The following PITPNM2 variants were observed in gnomAD, a reference collection of about 807,000 sequenced individuals.
The protein encoded by PITPNM2 is membrane-associated phosphatidylinositol transfer protein 2.
Under a neutral mutation model 132.2 loss-of-function variants are expected in PITPNM2, and 35 were observed. The ratio of observed to expected loss-of-function variants is 0.26; its 90% CI spans 0.20 to 0.35. The LOEUF (loss-of-function observed/expected upper bound fraction) is 0.35. Ranked by LOEUF, PITPNM2 falls within the 10% of genes least tolerant of loss-of-function variation. The pLI is 1.00. For synonymous variants in PITPNM2, 738 were observed against 799.2 expected (o/e 0.92, Z 1.29); for missense variants, 1,332 against 1,912.0 (o/e 0.70, Z 5.66).
intron 2 of PITPNM2, among the ~76,000 whole-genome samples, chr12:123,038,169 C>A (rs375056260): frequency 2.0e-5 from 3 of 152,212 alleles, no homozygotes; most frequent in African/African-American, 7.2e-5. Flanking sequence ...GGAAAAGCAA[C>A]CGTGTTTCTG....
chr12:123,129,502 G>A (rs544415179), intron 1 of PITPNM2, among the ~76,000 whole-genome samples: 70 of 151,688 alleles, frequency 4.6e-4, no homozygotes, highest in East Asian at 2.5e-3. Flanking sequence ...CCCGGGAGGC[G>A]GAGCTTGCAG....
chr12:122,992,694 G>C lies in PITPNM2; in HGVS notation c.2234-25C>G, dbSNP rs558908039. On this transcript the variant is annotated intron_variant, in intron 15 of 25. Coordinates refer to ENST00000320201, the MANE Select transcript of PITPNM2 (RefSeq NM_020845.3). This position sits in a 1 kb window ranked among gnomAD's most constrained non-coding sequence, Gnocchi z 6.5. Reference sequence around the variant, plus strand: ...ACTGGGGGTGGGGGTGTTGGCTGCAGAGCTGGGGCTGGCCCTGAGGAGCAG... The same window carrying C: ...ACTGGGGGTGGGGGTGTTGGCTGCACAGCTGGGGCTGGCCCTGAGGAGCAG... 4 of 1,533,936 alleles carry C rather than the reference G, an allele frequency of 2.6e-6. No individual in the cohort carries two copies. In the East Asian group the frequency reaches 7.1e-5, roughly 27 times the overall value.
chr12:123,066,976 G>T (rs1215440821), intron 2 of PITPNM2, among the ~76,000 whole-genome samples: 1 of 152,114 alleles, frequency 6.6e-6, no homozygotes, highest in Admixed American at 6.6e-5. Context: ...CTGCCTGCTG[G>T]GTGCAAGGGG....
In PITPNM2 at chr12:123,108,100, G is replaced by T. The variant is rs192566652; in HGVS notation, c.-96+2285C>A. 6.6e-6 allele frequency among the ~76,000 whole-genome samples: 1 copy of T among 152,226 alleles called. No individual in the cohort carries two copies. On this transcript the variant is annotated intron_variant, in intron 2 of 25. Coordinates refer to ENST00000320201, the MANE Select transcript of PITPNM2 (RefSeq NM_020845.3). The surrounding 1 kb of genome is among the most constrained non-coding windows in gnomAD (Gnocchi z 4.4). ...GATGCTGGAACTGCATAAGCAAAGC[G>T]CAGAGAATGTACCAGCATATAAACT...
chr12:123,051,604 G>A (rs1324670990), intron 2 of PITPNM2, among the ~76,000 whole-genome samples: 1 of 152,174 alleles, frequency 6.6e-6, no homozygotes, highest in Non-Finnish European at 1.5e-5. Context: ...CTTAAATATT[G>A]CAGCATCTGA....
At chr12:123,057,584 T>C (rs2136722949) in intron 2 of PITPNM2, among the ~76,000 whole-genome samples, 1 of 152,168 alleles carries the variant, frequency 6.6e-6, no homozygotes, top group South Asian at 2.1e-4. Context: ...ACCTGTGGTT[T>C]CTAAGTGCTC....
rs78220661 is a variant in PITPNM2, at chr12:123,129,671, C to A, written c.-199-19183G>T. On this transcript the variant is annotated intron_variant, in intron 1 of 25. Coordinates refer to ENST00000320201, the MANE Select transcript of PITPNM2 (RefSeq NM_020845.3). ...TTATTTGTATATTTTTCTCTTTTTTCTTTTAGTAGATCTCCTAATATTTAT... is the reference window on the plus strand; with the variant it reads ...TTATTTGTATATTTTTCTCTTTTTTATTTTAGTAGATCTCCTAATATTTAT... 5.7e-3 allele frequency among the ~76,000 whole-genome samples: 863 copies of A among 152,018 alleles called. 20 individuals are homozygous for A. Among genetic ancestry groups the A allele is most frequent in the Admixed American group, 0.045 (686 of 15,278 alleles).
In PITPNM2 at chr12:123,064,201, C is replaced by T. The variant is rs1255409082; in HGVS notation, c.-95-29516G>A. On this transcript the variant is annotated intron_variant, in intron 2 of 25. Transcript: ENST00000320201. The surrounding 1 kb of genome is among the most constrained non-coding windows in gnomAD (Gnocchi z 4.0). Reference sequence around the variant, plus strand: ...TGTTTCGACCCTCCCAGCAACGCTGCCAGCAGGCAGACAGACGCACTCTCC... The same window carrying T: ...TGTTTCGACCCTCCCAGCAACGCTGTCAGCAGGCAGACAGACGCACTCTCC... Among the ~76,000 whole-genome samples, 1 of 152,204 alleles carries T rather than the reference C, an allele frequency of 6.6e-6. No individual in the cohort carries two copies. Among genetic ancestry groups the T allele is most frequent in the African/African-American group, 2.4e-5 (1 of 41,448 alleles).
rs1051103847 is a variant in PITPNM2, at chr12:123,097,942, C to G, written c.-96+12443G>C. Among the ~76,000 whole-genome samples, 9 of 152,322 alleles carry G rather than the reference C, an allele frequency of 5.9e-5. No individual in the cohort carries two copies. The highest frequency in any genetic ancestry group is 2.2e-4 in the African/African-American group (9 of 41,572). On this transcript the variant is annotated intron_variant, in intron 2 of 25. Coordinates refer to ENST00000320201, the MANE Select transcript of PITPNM2 (RefSeq NM_020845.3). This position sits in a 1 kb window ranked among gnomAD's most constrained non-coding sequence, Gnocchi z 4.7. ...CTGGCCTTGGCCCTCTGTAGTGATG[C>G]AGGGGACATGTCGAAAATGATACAT...
rs1187521370 is a variant in PITPNM2 at position 123,022,617 on chromosome 12, C to T, written c.79-8575G>A. Among the ~76,000 whole-genome samples, 1 of 152,200 alleles carries T rather than the reference C, an allele frequency of 6.6e-6. No individual in the cohort carries two copies. The highest frequency in any genetic ancestry group is 1.5e-5 in the Non-Finnish European group (1 of 68,040). On this transcript the variant is annotated intron_variant, in intron 3 of 25. Transcript: ENST00000320201. The surrounding 1 kb of genome is among the most constrained non-coding windows in gnomAD (Gnocchi z 4.9). Reference sequence around the variant, plus strand: ...AGCCCTGAGATGTTGTGGGATCATGCTCCCCACTCCACAAGTAAGAAACTG... The same window carrying T: ...AGCCCTGAGATGTTGTGGGATCATGTTCCCCACTCCACAAGTAAGAAACTG...
intron 1 of PITPNM2, among the ~76,000 whole-genome samples, chr12:123,134,015 G>C (rs1365888500): frequency 6.6e-6 from 1 of 152,024 alleles, no homozygotes; most frequent in Non-Finnish European, 1.5e-5. Flanking sequence ...TAGAGACTGA[G>C]GGATAGGCAA....
rs1036992699 is a variant in PITPNM2, at chr12:123,108,132, G to A, written c.-96+2253C>T. 2.0e-5 allele frequency among the ~76,000 whole-genome samples: 3 copies of A among 152,180 alleles called. No individual in the cohort carries two copies. The highest frequency in any genetic ancestry group is 4.4e-5 in the Non-Finnish European group (3 of 68,046). On this transcript the variant is annotated intron_variant, in intron 2 of 25. Transcript: ENST00000320201. The surrounding 1 kb of genome is among the most constrained non-coding windows in gnomAD (Gnocchi z 4.4). ...ATGTACCAGCATATAAACTAGACGC[G>A]GGCAGGGATGCCTGTCTGTTTTGTT...
chr12:123,096,271 T>C (rs1394765187), intron 2 of PITPNM2, among the ~76,000 whole-genome samples: 1 of 152,196 alleles, frequency 6.6e-6, no homozygotes, highest in Non-Finnish European at 1.5e-5. Context: ...TATTAACACA[T>C]GCCCTGCTTG....
rs1172636148 is a variant in PITPNM2, at chr12:122,987,492, T to A, written c.3263+19A>T. On this transcript the variant is annotated intron_variant, in intron 22 of 25. Coordinates refer to ENST00000320201, the MANE Select transcript of PITPNM2 (RefSeq NM_020845.3). ...GAGCCTCGCCCTGCCTATCCCGCCC[T>A]CCCAGTGCAGGCATATACCTGACCA... 6.2e-7 allele frequency: 1 copy of A among 1,610,868 alleles called. No individual in the cohort carries two copies. The highest frequency in any genetic ancestry group is 2.2e-5 in the East Asian group (1 of 44,782).
intron 1 of PITPNM2, among the ~76,000 whole-genome samples, chr12:123,143,252 C>T (rs2043545031): frequency 6.6e-6 from 1 of 152,030 alleles, no homozygotes. Flanking sequence ...GCCCAGTGAG[C>T]CCTCCCTAGG....
Position 123,000,755 on chromosome 12 carries a change from C to T in PITPNM2, c.1224+23G>A, listed in dbSNP as rs1594134076. On this transcript the variant is annotated intron_variant, in intron 10 of 25. Transcript: ENST00000320201. The surrounding 1 kb of genome is among the most constrained non-coding windows in gnomAD (Gnocchi z 5.4). ...CCTCCCTTGGCGGCCATGCCCCTGT[C>T]CCTCTGACACCCGGGCACCCACCTC... is the stretch of plus-strand genomic sequence containing the variant. 1.2e-6 allele frequency: 2 copies of T among 1,612,940 alleles called. No homozygotes were observed. Among genetic ancestry groups the T allele is most frequent in the South Asian group, 1.1e-5 (1 of 90,882 alleles).
rs1410581415 is a variant in PITPNM2, at chr12:123,005,225, G to A, written c.952+15C>T. ...GGGACCTTGAGTGTGGGTGGCAGGT[G>A]GCGCAGGGCCTTACCTCCCCGCTTG... On this transcript the variant is annotated intron_variant, in intron 7 of 25. Transcript: ENST00000320201. The surrounding 1 kb of genome is among the most constrained non-coding windows in gnomAD (Gnocchi z 6.2). 1 of 1,602,642 alleles carries A rather than the reference G, an allele frequency of 6.2e-7. No individual in the cohort carries two copies. Among genetic ancestry groups the A allele is most frequent in the East Asian group, 2.2e-5 (1 of 44,668 alleles).
chr12:123,123,946 A>T (rs1481388187), intron 1 of PITPNM2, among the ~76,000 whole-genome samples: 1 of 151,834 alleles, frequency 6.6e-6, no homozygotes, highest in East Asian at 1.9e-4. Flanking sequence ...AAAAAAAAAA[A>T]AAAATTAAAA....
chr12:122,987,651 C>A lies in PITPNM2; in HGVS notation c.3123G>T (p.Val1041=). The A allele has an allele frequency of 6.2e-7, 1 of 1,612,860 alleles. No individual in the cohort carries two copies. Among genetic ancestry groups the A allele is most frequent in the Non-Finnish European group, 8.5e-7 (1 of 1,179,466 alleles). Reference sequence around the variant, plus strand: ...CTGAGGGCGGCTGGGTCATGATGTGCACATCCACCTGGGCCCAGCAGGCTG... The same window carrying A: ...CTGAGGGCGGCTGGGTCATGATGTGAACATCCACCTGGGCCCAGCAGGCTG... ...MVTLTGEKVD[V]HIMTQPPSGE... The change falls in exon 22 of 26, where the codon GTG becomes GTT. Residue 1041 remains valine (V), a synonymous_variant. Coordinates refer to ENST00000320201, the MANE Select transcript of PITPNM2 (RefSeq NM_020845.3).
Sources: gnomAD v4.1 joint callset for allele counts (sites outside exome capture counted in the v4.1 genomes callset) on GRCh38, gnomAD v4.1.1 for gene constraint, Gnocchi (gnomAD v3.1) non-coding constraint, MANE v1.5 for transcripts, NCBI Gene and HGNC (gene_info 2026-07-23, HGNC 2026-07-21) for gene names.